The following TENM2 variants were observed in gnomAD, a reference collection of about 807,000 sequenced individuals.
TENM2 encodes the protein teneurin-2.
A neutral mutation model predicts 245.2 loss-of-function variants in TENM2; 52 were observed. The observed-to-expected ratio is 0.21, with a 90% CI of 0.17 to 0.27. TENM2 has a LOEUF of 0.27. Ranked by LOEUF, TENM2 falls within the 10% of genes least tolerant of loss-of-function variation. The pLI, the probability that TENM2 is intolerant of heterozygous loss-of-function variation, is 1.00. For missense variants in TENM2, 3,046 were observed against 3,666.8 expected (o/e 0.83, Z 4.37); for synonymous variants, 1,363 against 1,438.9 (o/e 0.95, Z 1.19).
chr5:168,243,502 A>G (rs1465586575), intron 25 of TENM2, among the ~76,000 whole-genome samples: 3 of 152,202 alleles, frequency 2.0e-5, no homozygotes, highest in Admixed American at 6.5e-5. Context: ...ATGAGGCTTC[A>G]TATTCCCAAA....
the TENM2 span, among the ~76,000 whole-genome samples, chr5:167,196,522 A>ATAT: frequency 6.7e-6 from 1 of 150,286 alleles, no homozygotes; most frequent in Non-Finnish European, 1.5e-5. Flanking sequence ...GTGTGTATAT[A>ATAT]TATATGTGTG....
intron 2 of TENM2, among the ~76,000 whole-genome samples, chr5:167,422,414 T>C (rs1184466513): frequency 1.3e-5 from 2 of 152,228 alleles, no homozygotes; most frequent in African/African-American, 2.4e-5. Context: ...CGTGAGCTTT[T>C]AGGAACTTCA....
At chr5:167,637,779 C>A (rs1779297358) in intron 2 of TENM2, among the ~76,000 whole-genome samples, 1 of 151,910 alleles carries the variant, frequency 6.6e-6, no homozygotes, top group South Asian at 2.1e-4. Context: ...CACATAGACA[C>A]AGGGAGGGGA....
At chr5:168,168,419 C>T (rs781162828) in intron 13 of TENM2, among the ~76,000 whole-genome samples, 1 of 152,152 alleles carries the variant, frequency 6.6e-6, no homozygotes, top group Non-Finnish European at 1.5e-5. Flanking sequence ...GTGGCTCACG[C>T]CCGTAATCCT....
chr5:167,904,863 G>A (rs1190570519), intron 3 of TENM2, among the ~76,000 whole-genome samples: 2 of 152,142 alleles, frequency 1.3e-5, no homozygotes, highest in African/African-American at 4.8e-5. Context: ...TCAGTCTTGG[G>A]CAAAAGGGAC....
the TENM2 span, among the ~76,000 whole-genome samples, chr5:166,985,269 T>C: frequency 6.6e-6 from 1 of 152,246 alleles, no homozygotes; most frequent in East Asian, 1.9e-4. Context: ...TAAGTCAAGG[T>C]TTGGCACTAC....
chr5:167,269,916 A>G, the TENM2 span, among the ~76,000 whole-genome samples: 2 of 152,160 alleles, frequency 1.3e-5, no homozygotes, highest in Non-Finnish European at 2.9e-5. Context: ...CAGAATTCCC[A>G]GTTACTAGGA....
chr5:167,261,898 C>G, the TENM2 span, among the ~76,000 whole-genome samples: 4 of 152,142 alleles, frequency 2.6e-5, no homozygotes, highest in Non-Finnish European at 4.4e-5. Context: ...TTTTTAGTGT[C>G]CTCCAGGGGG....
intron 2 of TENM2, among the ~76,000 whole-genome samples, chr5:167,462,186 C>CCCCA (rs374022882): frequency 7.9e-6 from 1 of 127,034 alleles, no homozygotes; most frequent in East Asian, 3.1e-4. Context: ...CCCCCACCCC[C>CCCCA]CCCCCCCATT....
chr5:167,285,229 A>G (rs781470952), intron 1 of TENM2, among the ~76,000 whole-genome samples, 166 bp downstream of exon 3: 23 of 152,174 alleles, frequency 1.5e-4, no homozygotes, highest in Non-Finnish European at 2.4e-4. Context: ...GTGAATCTCT[A>G]TCCTGAGAAA....
chr5:167,211,530 CTA>C, the TENM2 span, among the ~76,000 whole-genome samples: 6 of 152,142 alleles, frequency 3.9e-5, no homozygotes, highest in Non-Finnish European at 8.8e-5. Context: ...ATTTGCAATG[CTA>C]AGTTGAAGTG....
intron 23 of TENM2, among the ~76,000 whole-genome samples, chr5:168,224,267 G>A (rs74416714): frequency 5.3e-5 from 8 of 152,212 alleles, no homozygotes; most frequent in Non-Finnish European, 7.4e-5. Flanking sequence ...CATGGTCTGC[G>A]CCACCCCATG....
the TENM2 span, among the ~76,000 whole-genome samples, chr5:167,018,906 C>T: frequency 1.3e-5 from 2 of 152,160 alleles, no homozygotes; most frequent in Admixed American, 6.5e-5. Context: ...CCCTGGCTGA[C>T]TCTGAGGCTT....
chr5:167,030,589 G>C, the TENM2 span, among the ~76,000 whole-genome samples: 7 of 152,076 alleles, frequency 4.6e-5, no homozygotes, highest in Admixed American at 3.3e-4. Flanking sequence ...ACTTCCACTT[G>C]CTTGCTTTCT....
At chr5:167,249,448 T>G in the TENM2 span, among the ~76,000 whole-genome samples, 3 of 152,140 alleles carry the variant, frequency 2.0e-5, no homozygotes, top group Non-Finnish European at 4.4e-5. Context: ...CTTCTTTCCT[T>G]CCTTCTTTCC....
intron 2 of TENM2, among the ~76,000 whole-genome samples, chr5:167,833,318 A>G (rs187520735): frequency 6.6e-6 from 1 of 152,314 alleles, no homozygotes; most frequent in Admixed American, 6.5e-5. Flanking sequence ...AATCCTTCAT[A>G]CAAGGAAACA....
At chr5:167,674,736 C>A (rs934805591) in intron 2 of TENM2, among the ~76,000 whole-genome samples, 1 of 151,986 alleles carries the variant, frequency 6.6e-6, no homozygotes, top group Non-Finnish European at 1.5e-5. Flanking sequence ...GAATGTGGAT[C>A]GTGCAAGAGT....
chr5:168,026,330 A>G (rs1786627454), intron 5 of TENM2, among the ~76,000 whole-genome samples: 1 of 152,214 alleles, frequency 6.6e-6, no homozygotes, highest in Non-Finnish European at 1.5e-5. Flanking sequence ...GGATTAGCTC[A>G]ATAGAACTGT....
the TENM2 span, among the ~76,000 whole-genome samples, chr5:167,164,458 C>G: frequency 6.6e-6 from 1 of 152,122 alleles, no homozygotes; most frequent in Non-Finnish European, 1.5e-5. Flanking sequence ...TGTTCTGAGG[C>G]TAAAATTTCC....
Sources: gnomAD v4.1 joint callset for allele counts (sites outside exome capture counted in the v4.1 genomes callset) on GRCh38, gnomAD v4.1.1 for gene constraint, MANE v1.5 for transcripts, NCBI Gene and HGNC (gene_info 2026-07-23, HGNC 2026-07-21) for gene names.